TRABD2B: variants seen among roughly 807,000 people sequenced by gnomAD.
The protein encoded by TRABD2B is TraB domain containing 2B, also known as metalloprotease TIKI2.
TRABD2B carries 14 observed loss-of-function variants against 40.1 expected under a neutral mutation model. The observed-to-expected ratio is 0.35, with a 90% CI of 0.23 to 0.55. The LOEUF is 0.55. TRABD2B is among the 20% of genes least tolerant of loss of function. The pLI is 0.90. For missense variants in TRABD2B, 541 were observed against 648.6 expected (o/e 0.83, Z 1.80); for synonymous variants, 263 against 277.0 (o/e 0.95, Z 0.50).
chr1:47,786,670 G>A (rs1305882714), intron 4 of TRABD2B, among the ~76,000 whole-genome samples: 1 of 152,226 alleles, frequency 6.6e-6, no homozygotes. Flanking sequence ...GCGCTTGCCA[G>A]TGAGAGAGGA....
At chr1:47,879,913 T>A (rs1644278542) in intron 2 of TRABD2B, among the ~76,000 whole-genome samples, 1 of 152,214 alleles carries the variant, frequency 6.6e-6, no homozygotes, top group African/African-American at 2.4e-5. Context: ...TCTCGTGCTT[T>A]CTCCCTCCCA....
chr1:47,812,206 A>G (rs1644974500), intron 2 of TRABD2B, among the ~76,000 whole-genome samples: 1 of 152,240 alleles, frequency 6.6e-6, no homozygotes, highest in South Asian at 2.1e-4. Context: ...AACATACTGG[A>G]AAGTCCCAGA....
At chr1:47,856,225 C>T (rs985923145) in intron 2 of TRABD2B, among the ~76,000 whole-genome samples, 11 of 152,238 alleles carry the variant, frequency 7.2e-5, no homozygotes, top group Non-Finnish European at 1.0e-4. Context: ...CTTCCAGGCA[C>T]CCCTTCCACA....
intron 2 of TRABD2B, among the ~76,000 whole-genome samples, chr1:47,974,592 A>G (rs1404026142): frequency 6.6e-6 from 1 of 152,234 alleles, no homozygotes; most frequent in African/African-American, 2.4e-5. Context: ...GGAAAAATAA[A>G]TCTTTTATGT....
chr1:47,765,552 C>A lies in TRABD2B; in HGVS notation c.*350G>T. ...AGCAAGCCAGTCCAGAGCCACAGTC[C>A]ACAGGAGGTCACTGATGTCCCGGGT... On this transcript the variant is annotated 3_prime_UTR_variant, in exon 7 of 7. Transcript: ENST00000606738. 1 of 326,382 alleles carries A rather than the reference C, an allele frequency of 3.1e-6. No homozygotes were observed. The highest frequency in any genetic ancestry group is 5.8e-6 in the Non-Finnish European group (1 of 172,990). 20.2% of individuals were successfully genotyped at this position (326,382 alleles called of 1,614,324 possible). A position where few individuals can be genotyped will look rare whatever the true frequency, so the allele number is the denominator to read the frequency against.
At chr1:47,960,429 A>C (rs374689148) in intron 2 of TRABD2B, among the ~76,000 whole-genome samples, 2 of 152,166 alleles carry the variant, frequency 1.3e-5, no homozygotes, top group Non-Finnish European at 2.9e-5. Flanking sequence ...CAAATTGTCC[A>C]TGTTTGCAGA....
intron 6 of TRABD2B, among the ~76,000 whole-genome samples, chr1:47,772,076 C>T (rs78040485): frequency 0.021 from 3,155 of 151,886 alleles, 104 homozygotes; most frequent in African/African-American, 0.071. Flanking sequence ...GAGGCCTCAG[C>T]TGGGCCAGGG....
At chr1:47,776,288 C>G (rs1241122674) in intron 5 of TRABD2B, among the ~76,000 whole-genome samples, 2 of 152,172 alleles carry the variant, frequency 1.3e-5, no homozygotes, top group African/African-American at 4.8e-5. Flanking sequence ...TGATGTGGGT[C>G]CACAGCCCGG....
chr1:47,905,194 G>A (rs1644659151), intron 2 of TRABD2B, among the ~76,000 whole-genome samples: 1 of 152,260 alleles, frequency 6.6e-6, no homozygotes, highest in African/African-American at 2.4e-5. Context: ...ACATGTATAA[G>A]CATCTGGCTC....
At chr1:47,935,381 G>A (rs1645093030) in intron 2 of TRABD2B, among the ~76,000 whole-genome samples, 1 of 152,094 alleles carries the variant, frequency 6.6e-6, no homozygotes, top group Non-Finnish European at 1.5e-5. Context: ...CACCACATGT[G>A]TTCGCACCCG....
intron 2 of TRABD2B, among the ~76,000 whole-genome samples, chr1:47,846,189 T>C (rs1645466902): frequency 6.6e-6 from 1 of 152,348 alleles, no homozygotes; most frequent in Middle Eastern, 3.4e-3. Context: ...ACATTCAGCA[T>C]GCTTCCCCCT....
rs1488387604 is a variant in TRABD2B, at chr1:47,936,879, AT to A, written c.666+57154del. On this transcript the variant is annotated intron_variant, in intron 2 of 6. Coordinates refer to ENST00000606738, the MANE Select transcript of TRABD2B (RefSeq NM_001194986.2). ...CATCATCATCACCACCACCACCACC[AT>A]CACCATCACTACCATCACCATCATG... is the stretch of plus-strand genomic sequence containing the variant. 2.0e-5 allele frequency among the ~76,000 whole-genome samples: 3 copies of A among 149,984 alleles called. No individual in the cohort carries two copies. The East Asian group carries it at 5.9e-4, about 30-fold the overall frequency.
chr1:47,805,588 G>A (rs913034123), intron 2 of TRABD2B, among the ~76,000 whole-genome samples: 5 of 152,088 alleles, frequency 3.3e-5, no homozygotes, highest in African/African-American at 1.2e-4. Context: ...CAGACATTCA[G>A]GAAGCACTGC....
At chr1:47,782,902 C>T (rs2124127060) in intron 4 of TRABD2B, among the ~76,000 whole-genome samples, 1 of 152,328 alleles carries the variant, frequency 6.6e-6, no homozygotes, top group South Asian at 2.1e-4. Context: ...CCCAGGTCTC[C>T]TGGCCACGGC....
chr1:47,836,062 AG>A (rs1396029512), intron 2 of TRABD2B, among the ~76,000 whole-genome samples: 1 of 152,202 alleles, frequency 6.6e-6, no homozygotes. Context: ...ACACAGAAAA[AG>A]TTTTTATATA....
intron 2 of TRABD2B, among the ~76,000 whole-genome samples, chr1:47,863,318 A>AT (rs1265014357): frequency 3.4e-5 from 4 of 118,830 alleles, no homozygotes; most frequent in South Asian, 2.4e-4. Context: ...TGATAAATAT[A>AT]AATATATATA....
intron 2 of TRABD2B, among the ~76,000 whole-genome samples, chr1:47,960,667 C>A (rs1344352258): frequency 2.6e-5 from 4 of 152,106 alleles, no homozygotes; most frequent in Non-Finnish European, 5.9e-5. Context: ...ATGTGAAGGA[C>A]CTCTTCAAGG....
chr1:47,889,978 C>A (rs778308927), intron 2 of TRABD2B, among the ~76,000 whole-genome samples: 1 of 152,216 alleles, frequency 6.6e-6, no homozygotes, highest in East Asian at 1.9e-4. Context: ...GTTCACTGAG[C>A]TTTTTGCTAC....
intron 2 of TRABD2B, among the ~76,000 whole-genome samples, chr1:47,957,125 C>A (rs571091229): frequency 6.6e-6 from 1 of 152,348 alleles, no homozygotes; most frequent in African/African-American, 2.4e-5. Context: ...CAAACTCCAA[C>A]AGACCTGCAG....
Sources: allele counts gnomAD v4.1 joint callset (sites outside exome capture counted in the v4.1 genomes callset), GRCh38; gene constraint gnomAD v4.1.1; transcripts MANE v1.5; gene names NCBI Gene and HGNC (gene_info 2026-07-23, HGNC 2026-07-21).